EYA1: variants seen among roughly 807,000 people sequenced by gnomAD.
The protein encoded by EYA1 is protein phosphatase EYA1.
Under a neutral mutation model 82.0 loss-of-function variants are expected in EYA1, and 16 were observed. The observed-to-expected ratio is 0.20, with a 90% confidence interval of 0.13 to 0.30. The LOEUF is 0.30. EYA1 is among the 10% of genes least tolerant of loss of function. EYA1 has a pLI of 1.00. For synonymous variants in EYA1, 261 were observed against 264.4 expected (o/e 0.99, Z 0.12); for missense variants, 633 against 730.7 (o/e 0.87, Z 1.54).
intron 12 of EYA1, among the ~76,000 whole-genome samples, chr8:71,230,481 C>T (rs1398276314): frequency 6.6e-6 from 1 of 152,210 alleles, no homozygotes; most frequent in African/African-American, 2.4e-5. Flanking sequence ...CACTATGCTG[C>T]AGGCACCGGC....
At chr8:71,455,598 T>G (rs1807824768) in intron 2 of EYA1, among the ~76,000 whole-genome samples, 1 of 152,114 alleles carries the variant, frequency 6.6e-6, no homozygotes, top group Non-Finnish European at 1.5e-5. Flanking sequence ...GCAAGGCTGG[T>G]TCAATACACA....
At chr8:71,300,905 G>A (rs976842635) in intron 7 of EYA1, among the ~76,000 whole-genome samples, 6 of 151,986 alleles carry the variant, frequency 3.9e-5, no homozygotes, top group Non-Finnish European at 7.4e-5. Flanking sequence ...TTTTCAAAAA[G>A]CACAAAATTC....
chr8:71,404,348 T>G (rs1830103969), intron 2 of EYA1: 1 of 152,256 alleles, frequency 6.6e-6, no homozygotes, highest in African/African-American at 2.4e-5. Context: ...TTGGAATGAC[T>G]TGAATGGCTT....
intron 17 of EYA1, among the ~76,000 whole-genome samples, chr8:71,209,750 G>T (rs1267321794): frequency 1.3e-5 from 2 of 152,194 alleles, no homozygotes; most frequent in Non-Finnish European, 1.5e-5. Flanking sequence ...CTATGAGGGA[G>T]TGTGTAAGGA....
chr8:71,543,450 C>A (rs758310654), intron 1 of EYA1, among the ~76,000 whole-genome samples: 1 of 152,170 alleles, frequency 6.6e-6, no homozygotes, highest in Non-Finnish European at 1.5e-5. Context: ...AAATATGCCA[C>A]GACTTACATT....
intron 2 of EYA1, among the ~76,000 whole-genome samples, chr8:71,510,708 A>G (rs1812530694): frequency 6.6e-6 from 1 of 152,238 alleles, no homozygotes; most frequent in African/African-American, 2.4e-5. Context: ...AGTTCAAGGT[A>G]ACATTGGGTG....
At chr8:71,528,469 C>T (rs760292547) in intron 2 of EYA1, among the ~76,000 whole-genome samples, 3 of 152,154 alleles carry the variant, frequency 2.0e-5, no homozygotes, top group Admixed American at 6.5e-5. Flanking sequence ...TGAACTTTGA[C>T]GTCCAGTCTT....
intron 1 of EYA1, among the ~76,000 whole-genome samples, chr8:71,360,999 C>T (rs1827323812): frequency 6.6e-6 from 1 of 152,156 alleles, no homozygotes; most frequent in Non-Finnish European, 1.5e-5. Context: ...TTGTTTTAAA[C>T]TTCAAGGTCC....
chr8:71,385,078 T>C (rs886893133), intron 2 of EYA1, among the ~76,000 whole-genome samples: 3 of 152,058 alleles, frequency 2.0e-5, no homozygotes, highest in Non-Finnish European at 4.4e-5. Context: ...GGCGTAATCT[T>C]GGCTCACTGC....
chr8:71,514,739 C>T (rs1232326274), intron 2 of EYA1, among the ~76,000 whole-genome samples: 2 of 152,218 alleles, frequency 1.3e-5, no homozygotes, highest in African/African-American at 2.4e-5. Flanking sequence ...TCCCACAACA[C>T]GTGGGAATTC....
intron 12 of EYA1, among the ~76,000 whole-genome samples, chr8:71,227,370 AAAG>A (rs1810683000): frequency 6.6e-6 from 1 of 152,158 alleles, no homozygotes. Flanking sequence ...AGAATCTACT[AAAG>A]AAGAATTTTT....
intron 4 of EYA1, among the ~76,000 whole-genome samples, chr8:71,329,951 C>T (rs553324076): frequency 4.6e-5 from 7 of 152,082 alleles, no homozygotes; most frequent in Non-Finnish European, 8.8e-5. Context: ...TCAGGGTGGG[C>T]CTCGATGAGG....
At chr8:71,349,480 C>G (rs995359849) in intron 3 of EYA1, among the ~76,000 whole-genome samples, 1 of 152,132 alleles carries the variant, frequency 6.6e-6, no homozygotes, top group African/African-American at 2.4e-5. Context: ...ATTCAAGTAC[C>G]CACTCAGATG....
At chr8:71,338,490 T>TATCA (rs1439537589) in intron 3 of EYA1, among the ~76,000 whole-genome samples, 1 of 152,174 alleles carries the variant, frequency 6.6e-6, no homozygotes, top group Non-Finnish European at 1.5e-5. Flanking sequence ...TGGATCTATC[T>TATCA]ATCAGACCAT....
chr8:71,390,672 T>C (rs1829227149), intron 2 of EYA1, among the ~76,000 whole-genome samples: 1 of 152,212 alleles, frequency 6.6e-6, no homozygotes, highest in Non-Finnish European at 1.5e-5. Context: ...GAATTATTCT[T>C]TCTCTGACTA....
chr8:71,355,506 CCT>C (rs1366832779), intron 2 of EYA1, among the ~76,000 whole-genome samples: 4 of 152,154 alleles, frequency 2.6e-5, no homozygotes, highest in Admixed American at 2.0e-4. Context: ...CTTAATTGTT[CCT>C]CTGTTTCCCT....
At chr8:71,517,246 A>T (rs554346444) in intron 2 of EYA1, among the ~76,000 whole-genome samples, 1 of 151,898 alleles carries the variant, frequency 6.6e-6, no homozygotes, top group African/African-American at 2.4e-5. Context: ...CAAATTTTCA[A>T]CTCTCTACAA....
chr8:71,446,426 T>C (rs1461835508), intron 2 of EYA1, among the ~76,000 whole-genome samples: 1 of 150,444 alleles, frequency 6.6e-6, no homozygotes, highest in Non-Finnish European at 1.5e-5. Context: ...GTAAGTTTCC[T>C]GAGGCCCCCC....
At chr8:71,296,042 ATG>A (rs1819563323) in intron 9 of EYA1, among the ~76,000 whole-genome samples, 1 of 152,188 alleles carries the variant, frequency 6.6e-6, no homozygotes, top group South Asian at 2.1e-4. Flanking sequence ...GTAGATTCTA[ATG>A]TATCTGCAGA....
Sources: gnomAD v4.1 joint callset for allele counts (sites outside exome capture counted in the v4.1 genomes callset) on GRCh38, gnomAD v4.1.1 for gene constraint, MANE v1.5 for transcripts, NCBI Gene and HGNC (gene_info 2026-07-23, HGNC 2026-07-21) for gene names.